Variants in ROCK1 observed in about 807,000 individuals in gnomAD.
ROCK1 encodes Rho associated coiled-coil containing protein kinase 1.
ROCK1 carries 36 observed loss-of-function variants against 196.8 expected under a neutral mutation model. That is an observed-to-expected ratio of 0.18 (90% CI 0.14 to 0.24). ROCK1 has a LOEUF of 0.24. Ranked by LOEUF, ROCK1 falls within the 10% of genes least tolerant of loss-of-function variation. The probability of loss-of-function intolerance (pLI) is 1.00; values close to 1 mark genes in which losing one functional copy is unlikely to be tolerated. For missense variants in ROCK1, 920 were observed against 1,562.0 expected (o/e 0.59, Z 6.93); for synonymous variants, 443 against 515.9 (o/e 0.86, Z 1.91).
At chr18:21,079,673 C>T (rs535189024) in intron 1 of ROCK1, among the ~76,000 whole-genome samples, 3 of 152,162 alleles carry the variant, frequency 2.0e-5, no homozygotes, top group East Asian at 3.9e-4. Context: ...CTCTGGAGCC[C>T]GCTTTAGCTC....
intron 1 of ROCK1, among the ~76,000 whole-genome samples, chr18:21,089,584 T>C (rs543909817): frequency 6.6e-6 from 1 of 152,336 alleles, no homozygotes; most frequent in African/African-American, 2.4e-5. Context: ...GATAAACCAC[T>C]TGTAAGTTGA....
intron 27 of ROCK1, 85 bp downstream of exon 27, chr18:20,966,832 A>G: frequency 9.4e-7 from 1 of 1,059,350 alleles, no homozygotes; most frequent in South Asian, 1.6e-5. Context: ...ACAAAATGAC[A>G]AGGAGGTAGA....
intron 27 of ROCK1, among the ~76,000 whole-genome samples, chr18:20,964,402 G>T (rs2035354154): frequency 6.6e-6 from 1 of 151,914 alleles, no homozygotes; most frequent in Non-Finnish European, 1.5e-5. Flanking sequence ...TTATTTGCCA[G>T]GGACCATTTT....
At chr18:21,064,900 A>G (rs1269493195) in intron 2 of ROCK1, among the ~76,000 whole-genome samples, 3 of 152,156 alleles carry the variant, frequency 2.0e-5, no homozygotes, top group Non-Finnish European at 4.4e-5. Context: ...TCTTTCCTTC[A>G]TCAACATAAA....
intron 11 of ROCK1, among the ~76,000 whole-genome samples, chr18:21,021,463 G>C (rs2035912247): frequency 6.6e-6 from 1 of 152,126 alleles, no homozygotes; most frequent in African/African-American, 2.4e-5. Context: ...GTAAAAAAGA[G>C]GGAAACAATA....
chr18:21,047,209 A>AT (rs576526977), intron 4 of ROCK1, among the ~76,000 whole-genome samples: 270 of 152,214 alleles, frequency 1.8e-3, no homozygotes, highest in African/African-American at 6.2e-3. Context: ...TATGTCACAT[A>AT]TTTTTTCACT....
chr18:20,951,438 A>C, intron 32 of ROCK1, 51 bp from the exon 33 acceptor site: 1 of 1,486,782 alleles, frequency 6.7e-7, no homozygotes, highest in South Asian at 1.2e-5. Context: ...TCAGTTTAAA[A>C]ATACAAGAAA....
At chr18:21,002,819 G>A (rs1318878675) in intron 16 of ROCK1, among the ~76,000 whole-genome samples, 1 of 152,130 alleles carries the variant, frequency 6.6e-6, no homozygotes, top group African/African-American at 2.4e-5. Context: ...TCAGCTCACT[G>A]CAACCTCCAT....
chr18:21,064,233 G>A (rs764907567), intron 2 of ROCK1, among the ~76,000 whole-genome samples: 9 of 151,966 alleles, frequency 5.9e-5, no homozygotes, highest in Non-Finnish European at 8.8e-5. Context: ...CCAAACTCCT[G>A]GTTCCTCAAA....
chr18:20,979,525 G>A (rs1009892077), intron 22 of ROCK1, among the ~76,000 whole-genome samples: 1 of 152,014 alleles, frequency 6.6e-6, no homozygotes, highest in Non-Finnish European at 1.5e-5. Flanking sequence ...AGGAGGCTGA[G>A]GCAGGAGAAT....
intron 9 of ROCK1, among the ~76,000 whole-genome samples, chr18:21,035,756 T>C (rs186376018): frequency 1.4e-4 from 22 of 152,338 alleles, no homozygotes; most frequent in Admixed American, 2.6e-4. Context: ...TGGAATATTA[T>C]GATACATGCT....
chr18:20,999,086 C>T (rs1464376140), intron 16 of ROCK1, among the ~76,000 whole-genome samples: 4 of 151,970 alleles, frequency 2.6e-5, no homozygotes, highest in Non-Finnish European at 5.9e-5. Flanking sequence ...CCAATATTCA[C>T]GAGGAGCACA....
intron 25 of ROCK1, 147 bp downstream of exon 25, chr18:20,968,625 A>G (rs1568370197): frequency 1.5e-5 from 9 of 592,188 alleles, no homozygotes; most frequent in South Asian, 2.3e-5. Flanking sequence ...TATTTCACAA[A>G]TAAGTTTTTT....
intron 13 of ROCK1, among the ~76,000 whole-genome samples, chr18:21,014,518 A>C (rs2035846798): frequency 6.6e-6 from 1 of 152,246 alleles, no homozygotes; most frequent in African/African-American, 2.4e-5. Context: ...AATTTGGAAA[A>C]ATGAATAACT....
chr18:21,035,643 T>C (rs758571342), intron 9 of ROCK1, among the ~76,000 whole-genome samples: 19 of 152,338 alleles, frequency 1.2e-4, no homozygotes, highest in Middle Eastern at 3.4e-3. Flanking sequence ...AAAGCAGATA[T>C]TTGTATTCTA....
At chr18:21,091,107 T>A (rs1328980733) in intron 1 of ROCK1, among the ~76,000 whole-genome samples, 1 of 151,900 alleles carries the variant, frequency 6.6e-6, no homozygotes. Flanking sequence ...CCCTTCCATC[T>A]CTTTTACCTC....
intron 1 of ROCK1, among the ~76,000 whole-genome samples, chr18:21,095,051 A>C (rs1298574785): frequency 8.8e-6 from 1 of 113,798 alleles, no homozygotes; most frequent in East Asian, 2.1e-4. Context: ...ACTCTGTCTC[A>C]AAAAAAAAAA....
At chr18:20,959,187 A>G (rs2035300804) in intron 29 of ROCK1, among the ~76,000 whole-genome samples, 1 of 70,022 alleles carries the variant, frequency 1.4e-5, no homozygotes, top group Non-Finnish European at 2.6e-5. Context: ...ATAATATTAT[A>G]TATAATATAT....
intron 29 of ROCK1, among the ~76,000 whole-genome samples, chr18:20,959,340 T>C (rs2035303831): frequency 6.9e-6 from 1 of 145,728 alleles, no homozygotes; most frequent in South Asian, 2.1e-4. Context: ...GCCTTCTGAG[T>C]AGCTGGGACT....
Sources: allele counts gnomAD v4.1 joint callset (sites outside exome capture counted in the v4.1 genomes callset), GRCh38; gene constraint gnomAD v4.1.1; transcripts MANE v1.5; gene names NCBI Gene and HGNC (gene_info 2026-07-23, HGNC 2026-07-21).